Variants in PIK3C2G observed in about 807,000 individuals in gnomAD.
PIK3C2G encodes phosphatidylinositol-4-phosphate 3-kinase catalytic subunit type 2 gamma, also known as phosphatidylinositol 3-kinase C2 domain-containing subunit gamma.
In PIK3C2G, 168 loss-of-function variants were observed where a neutral mutation model predicts 181.1. The observed-to-expected ratio is 0.93, with a 90% confidence interval of 0.82 to 1.05. PIK3C2G has a LOEUF of 1.05. PIK3C2G is among the 50% of genes least tolerant of loss of function. PIK3C2G has a pLI of 0.00. For synonymous variants in PIK3C2G, 573 were observed against 592.2 expected, an observed-to-expected ratio of 0.97 and a Z score of 0.47; for missense variants, 1,869 against 1,732.8, an observed-to-expected ratio of 1.08 and a Z score of -1.40.
chr12:18,684,418 A>G, the PIK3C2G span: 1 of 735,978 alleles, frequency 1.4e-6, no homozygotes, highest in African/African-American at 1.8e-5. Context: ...GGTTTTTAAT[A>G]TACTCAGTGT....
chr12:18,507,694 G>A (rs1424955691), intron 24 of PIK3C2G, among the ~76,000 whole-genome samples: 1 of 151,380 alleles, frequency 6.6e-6, no homozygotes, highest in Non-Finnish European at 1.5e-5. Flanking sequence ...TTGATGTTTT[G>A]TACACTGGCA....
intron 18 of PIK3C2G, among the ~76,000 whole-genome samples, chr12:18,445,107 G>C (rs1025102644): frequency 6.6e-6 from 1 of 151,984 alleles, no homozygotes; most frequent in Non-Finnish European, 1.5e-5. Context: ...TCCAAAGCTA[G>C]TACAAGCCAG....
chr12:18,595,823 C>A (rs975112517), intron 30 of PIK3C2G, among the ~76,000 whole-genome samples: 1 of 152,030 alleles, frequency 6.6e-6, no homozygotes, highest in East Asian at 1.9e-4. Flanking sequence ...TGCACTGAGC[C>A]CCACCAATTA....
intron 29 of PIK3C2G, among the ~76,000 whole-genome samples, chr12:18,582,197 G>A (rs887831247): frequency 2.6e-5 from 4 of 152,132 alleles, no homozygotes; most frequent in Non-Finnish European, 1.5e-5. Context: ...TGCGATTGAA[G>A]CATCCGGGCT....
intron 1 of PIK3C2G, among the ~76,000 whole-genome samples, chr12:18,269,408 C>T (rs1389950113): frequency 6.6e-6 from 1 of 152,034 alleles, no homozygotes; most frequent in African/African-American, 2.4e-5. Flanking sequence ...TGTAGTTTCT[C>T]TCCCCTCTCC....
chr12:18,245,451 A>G (rs1591755182), upstream of PIK3C2G, among the ~76,000 whole-genome samples: 1 of 151,324 alleles, frequency 6.6e-6, no homozygotes, highest in Non-Finnish European at 1.5e-5. Context: ...CTGTTACTTC[A>G]TTTAAAAAAT....
At chr12:18,635,773 C>G (rs1949572156) in intron 31 of PIK3C2G, among the ~76,000 whole-genome samples, 1 of 152,136 alleles carries the variant, frequency 6.6e-6, no homozygotes, top group Non-Finnish European at 1.5e-5. Context: ...CTTCTGAGCC[C>G]CACTCAAAAC....
intron 11 of PIK3C2G, among the ~76,000 whole-genome samples, chr12:18,356,369 G>A (rs545735619): frequency 1.9e-4 from 29 of 152,226 alleles, no homozygotes; most frequent in African/African-American, 4.8e-4. Context: ...GGAACACGCC[G>A]GTGACTGGGT....
intron 16 of PIK3C2G, among the ~76,000 whole-genome samples, chr12:18,419,852 T>C (rs1368716107): frequency 6.6e-6 from 1 of 152,152 alleles, no homozygotes; most frequent in East Asian, 1.9e-4. Flanking sequence ...TACCACTGTT[T>C]ACTTGACTCG....
the PIK3C2G span, among the ~76,000 whole-genome samples, chr12:18,687,745 TTTG>T: frequency 2.0e-5 from 3 of 152,060 alleles, no homozygotes; most frequent in African/African-American, 7.2e-5. Context: ...ATCACAAATT[TTTG>T]ATTTAATACA....
chr12:18,533,941 C>CTTTTTTTTTTT (rs542327503), intron 24 of PIK3C2G, among the ~76,000 whole-genome samples: 2 of 91,498 alleles, frequency 2.2e-5, no homozygotes, highest in South Asian at 4.5e-4. Context: ...CCTGCTATTT[C>CTTTTTTTTTTT]TTTTTTTTTT....
At chr12:18,544,072 T>C (rs920265567) in intron 25 of PIK3C2G, among the ~76,000 whole-genome samples, 1 of 151,840 alleles carries the variant, frequency 6.6e-6, no homozygotes, top group South Asian at 2.1e-4. Context: ...TCAGTGATGC[T>C]TCAAGGAGGA....
At chr12:18,678,417 A>G in the PIK3C2G span, among the ~76,000 whole-genome samples, 12 of 152,208 alleles carry the variant, frequency 7.9e-5, no homozygotes, top group African/African-American at 2.6e-4. Flanking sequence ...TCGTTTTGAC[A>G]TAAGCATATC....
intron 30 of PIK3C2G, among the ~76,000 whole-genome samples, chr12:18,601,615 T>A (rs1183760217): frequency 6.6e-6 from 1 of 152,172 alleles, no homozygotes; most frequent in South Asian, 2.1e-4. Context: ...AATCTGTAAA[T>A]TACTTTGGGC....
At chr12:18,544,164 G>A (rs983603333) in intron 25 of PIK3C2G, among the ~76,000 whole-genome samples, 2 of 151,750 alleles carry the variant, frequency 1.3e-5, no homozygotes, top group African/African-American at 4.8e-5. Context: ...TATGTGTGGA[G>A]GTTTAATGAG....
the PIK3C2G span, chr12:18,694,109 G>A: frequency 1.0e-6 from 1 of 994,564 alleles, no homozygotes; most frequent in South Asian, 1.4e-5. Context: ...GTGAACTACG[G>A]CTGCCATCAG....
At chr12:18,620,120 C>T (rs1018923340) in intron 31 of PIK3C2G, among the ~76,000 whole-genome samples, 3 of 152,048 alleles carry the variant, frequency 2.0e-5, no homozygotes, top group Non-Finnish European at 4.4e-5. Flanking sequence ...TATGAGTTCT[C>T]CTGTTAAACG....
chr12:18,554,831 TATTA>T (rs1234301608), intron 26 of PIK3C2G, among the ~76,000 whole-genome samples: 1 of 151,556 alleles, frequency 6.6e-6, no homozygotes, highest in East Asian at 1.9e-4. Context: ...GACAAAGTTT[TATTA>T]ATTCATTGTT....
At chr12:18,510,630 A>ATAAAATTATCTAGAAAGAT (rs1470964074) in intron 24 of PIK3C2G, among the ~76,000 whole-genome samples, 3 of 152,136 alleles carry the variant, frequency 2.0e-5, no homozygotes, top group Non-Finnish European at 2.9e-5. Context: ...CTTTCTAGAT[A>ATAAAATTATCTAGAAAGAT]ATTTTAAAGG....
Sources: allele counts gnomAD v4.1 joint callset (sites outside exome capture counted in the v4.1 genomes callset), GRCh38; gene constraint gnomAD v4.1.1; transcripts MANE v1.5; gene names NCBI Gene and HGNC (gene_info 2026-07-23, HGNC 2026-07-21).